The following ELL variants were observed in gnomAD, a reference collection of about 807,000 sequenced individuals.
ELL encodes the protein RNA polymerase II elongation factor ELL.
Under a neutral mutation model 64.0 loss-of-function variants are expected in ELL, and 18 were observed. The ratio of observed to expected loss-of-function variants is 0.28; its 90% CI spans 0.19 to 0.42. The LOEUF is 0.42. Ranked by LOEUF, ELL falls within the 10% of genes least tolerant of loss-of-function variation. The pLI is 1.00. For synonymous variants in ELL, 399 were observed against 376.2 expected, an observed-to-expected ratio of 1.06 and a Z score of -0.70; for missense variants, 797 against 870.4, an observed-to-expected ratio of 0.92 and a Z score of 1.06.
intron 1 of ELL, among the ~76,000 whole-genome samples, chr19:18,474,226 G>T (rs1026162304): frequency 1.3e-5 from 2 of 152,242 alleles, no homozygotes; most frequent in Admixed American, 1.3e-4. Flanking sequence ...GGACATGAGA[G>T]ATGGCTGGCC....
At chr19:18,489,107 T>C (rs1568391303) in intron 1 of ELL, among the ~76,000 whole-genome samples, 1 of 152,178 alleles carries the variant, frequency 6.6e-6, no homozygotes, top group Non-Finnish European at 1.5e-5. Context: ...GTCACCTGCC[T>C]TCAAATAAAA....
intron 1 of ELL, among the ~76,000 whole-genome samples, chr19:18,497,392 G>T (rs576658333): frequency 6.6e-6 from 1 of 152,312 alleles, no homozygotes; most frequent in Non-Finnish European, 1.5e-5. Context: ...AGTAGGTAGA[G>T]CTTGGAGGAT....
At chr19:18,521,835 G>C (rs1976286438) in intron 1 of ELL, 86 bp downstream of exon 1, 1 of 1,481,582 alleles carries the variant, frequency 6.7e-7, no homozygotes, top group East Asian at 2.7e-5. Flanking sequence ...TAGCGTCTCC[G>C]AGCCCGGACG....
intron 2 of ELL, 100 bp downstream of exon 2, chr19:18,472,735 A>G: frequency 1.4e-6 from 2 of 1,437,714 alleles, no homozygotes; most frequent in Non-Finnish European, 1.9e-6. Context: ...CAGGGCCCAA[A>G]CACTGCCATG....
At chr19:18,465,340 A>T in intron 4 of ELL, 72 bp downstream of exon 4, 1 of 1,518,422 alleles carries the variant, frequency 6.6e-7, no homozygotes, top group South Asian at 1.3e-5. Flanking sequence ...CCCAGCCTGG[A>T]CAGGCCCCAA....
intron 1 of ELL, among the ~76,000 whole-genome samples, chr19:18,506,130 G>C (rs1600498787): frequency 6.6e-6 from 1 of 152,314 alleles, no homozygotes. Context: ...TGTGTGCCCA[G>C]GCTGCTGCCC....
chr19:18,472,695 G>C (rs961575822), intron 2 of ELL, 140 bp downstream of exon 2: 1 of 1,031,890 alleles, frequency 9.7e-7, no homozygotes, highest in Non-Finnish European at 1.4e-6. Context: ...TATCCTGGGG[G>C]CCTAGAACCC....
intron 2 of ELL, 24 bp downstream of exon 2, chr19:18,472,811 T>A (rs374813702): frequency 6.8e-5 from 108 of 1,599,318 alleles, no homozygotes; most frequent in Non-Finnish European, 8.2e-5. Flanking sequence ...ATTCCAAATA[T>A]GAATGATTAA....
At position 18,465,551 on chromosome 19, in the gene ELL, G is replaced by A; in HGVS notation, c.330C>T (p.Cys110=). The A allele has an allele frequency of 6.2e-7, 1 of 1,602,556 alleles. No homozygotes were observed. Among genetic ancestry groups the A allele is most frequent in the Non-Finnish European group, 8.5e-7 (1 of 1,171,350 alleles). The change falls in exon 4 of 12, where the codon TGC becomes TGT. Residue 110 remains cysteine (C), a synonymous_variant. Transcript: ENST00000262809. Reference sequence around the variant, plus strand: ...TGATCTTGTCCTGTATGCTGCCCAGGCAGTCCAGGTGAACTTCCCCATGAC... The same window carrying A: ...TGATCTTGTCCTGTATGCTGCCCAGACAGTCCAGGTGAACTTCCCCATGAC... The part of the protein sequence containing the change: ...VSSHGEVHLD[C]LGSIQDKITV...
intron 1 of ELL, among the ~76,000 whole-genome samples, chr19:18,483,861 C>G (rs1028669179): frequency 1.3e-5 from 2 of 152,242 alleles, no homozygotes; most frequent in African/African-American, 4.8e-5. Context: ...GCCTGCACCT[C>G]CATGGGTCAA....
chr19:18,498,336 C>G (rs540700059), intron 1 of ELL, among the ~76,000 whole-genome samples: 1 of 152,128 alleles, frequency 6.6e-6, no homozygotes, highest in Admixed American at 6.6e-5. Flanking sequence ...AATTAGATTT[C>G]GAGAAGGGCT....
At chr19:18,517,728 A>G (rs971896079) in intron 1 of ELL, among the ~76,000 whole-genome samples, 2 of 151,840 alleles carry the variant, frequency 1.3e-5, no homozygotes, top group Non-Finnish European at 2.9e-5. Flanking sequence ...TAAAAGAAAA[A>G]GAAAAAAACT....
intron 1 of ELL, among the ~76,000 whole-genome samples, chr19:18,481,382 T>C (rs1228589532): frequency 6.6e-6 from 1 of 152,100 alleles, no homozygotes; most frequent in Non-Finnish European, 1.5e-5. Context: ...GGGAGGACCT[T>C]TCCTGGCCTC....
intron 1 of ELL, among the ~76,000 whole-genome samples, chr19:18,499,531 A>G (rs1270870694): frequency 6.6e-6 from 1 of 152,240 alleles, no homozygotes; most frequent in Non-Finnish European, 1.5e-5. Context: ...GAAGGGGGCA[A>G]GGTCTCGGGC....
rs551753458 is a variant in ELL, at chr19:18,458,991, C to A, written c.745-662G>T. 6.6e-5 allele frequency among the ~76,000 whole-genome samples: 10 copies of A among 152,212 alleles called. No individual in the cohort carries two copies. The South Asian group carries it at 2.1e-3, about 32-fold the overall frequency. On this transcript the variant is annotated intron_variant, in intron 5 of 11. Transcript: ENST00000262809. Reference sequence around the variant, plus strand: ...GTAGCTGCAAACTCCTGGGCTCAAGCGATCCTCTTGCCTCAGTCTCCCAAG... The same window carrying A: ...GTAGCTGCAAACTCCTGGGCTCAAGAGATCCTCTTGCCTCAGTCTCCCAAG...
intron 1 of ELL, among the ~76,000 whole-genome samples, chr19:18,516,932 C>T (rs945951427): frequency 6.6e-6 from 1 of 152,132 alleles, no homozygotes; most frequent in Non-Finnish European, 1.5e-5. Flanking sequence ...TGGAGAGAGG[C>T]TCTAATCCCC....
chr19:18,458,761 T>A (rs1713131760), intron 5 of ELL, among the ~76,000 whole-genome samples: 1 of 151,966 alleles, frequency 6.6e-6, no homozygotes, highest in African/African-American at 2.4e-5. Context: ...GCCTCCCAGG[T>A]AGGTGGGGCC....
At chr19:18,492,742 C>T (rs1975557893) in intron 1 of ELL, among the ~76,000 whole-genome samples, 1 of 152,156 alleles carries the variant, frequency 6.6e-6, no homozygotes, top group Admixed American at 6.5e-5. Flanking sequence ...TGGCAGAGGG[C>T]AGCTCAAGTC....
intron 1 of ELL, among the ~76,000 whole-genome samples, chr19:18,514,129 G>C (rs1976082594): frequency 6.6e-6 from 1 of 152,106 alleles, no homozygotes; most frequent in African/African-American, 2.4e-5. Flanking sequence ...TGCCAGGTCA[G>C]ATGGAGGCGG....
Sources: allele counts gnomAD v4.1 joint callset (sites outside exome capture counted in the v4.1 genomes callset), GRCh38; gene constraint gnomAD v4.1.1; transcripts MANE v1.5; gene names NCBI Gene and HGNC (gene_info 2026-07-23, HGNC 2026-07-21).